Variants in ADARB2 observed in about 807,000 individuals in gnomAD.
ADARB2 encodes inactive double-stranded RNA-specific editase B2.
In ADARB2, 25 loss-of-function variants were observed where a neutral mutation model predicts 62.2. The ratio of observed to expected loss-of-function variants is 0.40; its 90% CI spans 0.29 to 0.56. The LOEUF (loss-of-function observed/expected upper bound fraction) is 0.56, where lower values mean the gene tolerates loss of function less well. Among genes scored for constraint, ADARB2 ranks in the 20% least tolerant of loss-of-function variants. The pLI is 0.43. For missense variants in ADARB2, 1,071 were observed against 1,077.4 expected (o/e 0.99, Z 0.08); for synonymous variants, 572 against 500.8 (o/e 1.14, Z -1.90).
In ADARB2 at chr10:1,260,033, GA is replaced by G. The variant is rs532487080; in HGVS notation, c.1192+10921del. On this transcript the variant is annotated intron_variant, in intron 4 of 9. Transcript: ENST00000381312. ...ATAAATGTAATCCAGCATATAAACA[GA>G]ACCAAAGGCAAAAACCACATGATTA... Among the ~76,000 whole-genome samples, 487 of 152,204 alleles carry G rather than the reference GA, an allele frequency of 3.2e-3. 3 individuals carry two copies. Among genetic ancestry groups the G allele is most frequent in the African/African-American group, 0.011 (466 of 41,514 alleles).
intron 4 of ADARB2, among the ~76,000 whole-genome samples, chr10:1,267,158 C>G: frequency 6.6e-6 from 1 of 150,926 alleles, no homozygotes. Context: ...AAAAACCTTT[C>G]CCCCTCCCGG....
intron 1 of ADARB2, among the ~76,000 whole-genome samples, chr10:1,571,816 G>T (rs1832939921): frequency 6.7e-6 from 1 of 150,306 alleles, no homozygotes; most frequent in South Asian, 2.1e-4. Context: ...TGAGTGGACA[G>T]GTGAGTATGC....
chr10:1,367,793 T>G (rs994907515), intron 2 of ADARB2, among the ~76,000 whole-genome samples: 7 of 152,216 alleles, frequency 4.6e-5, no homozygotes, highest in Admixed American at 1.3e-4. Flanking sequence ...TGCATGACCT[T>G]TGCTGGATCT....
intron 1 of ADARB2, among the ~76,000 whole-genome samples, chr10:1,665,239 C>A (rs79218769): frequency 0.024 from 3,665 of 152,328 alleles, 111 homozygotes; most frequent in African/African-American, 0.072. Flanking sequence ...CTAGATCTTT[C>A]CTTAATATTT....
At chr10:1,603,192 C>A (rs72766704) in intron 1 of ADARB2, among the ~76,000 whole-genome samples, 36,352 of 151,404 alleles carry the variant, frequency 0.24, 4,525 homozygotes, top group Non-Finnish European at 0.27. Flanking sequence ...CACACATTCA[C>A]ACATGTGGCC....
chr10:1,257,225 C>T (rs1432114862), intron 4 of ADARB2, among the ~76,000 whole-genome samples: 4 of 152,190 alleles, frequency 2.6e-5, no homozygotes, highest in East Asian at 1.9e-4. Flanking sequence ...AGCACCCATT[C>T]TTGGGTAATG....
chr10:1,492,664 T>A lies in ADARB2; in HGVS notation c.101-113504A>T, dbSNP rs180912797. ...CTGTCTACAGGTGCAGCATTTCACC[T>A]GGGACTCGACTAAGGAGGGAGGCAG... On this transcript the variant is annotated intron_variant, in intron 1 of 9. Transcript: ENST00000381312. Among the ~76,000 whole-genome samples, 6 of 152,156 alleles carry A rather than the reference T, an allele frequency of 3.9e-5. No individual in the cohort carries two copies. In the East Asian group the frequency reaches 1.2e-3, roughly 29 times the overall value.
chr10:1,199,826 C>A, intron 8 of ADARB2, 140 bp downstream of exon 8: 1 of 886,444 alleles, frequency 1.1e-6, no homozygotes, highest in South Asian at 2.1e-5. Flanking sequence ...TTTTTAAAAT[C>A]GTAGGACTTT....
intron 3 of ADARB2, among the ~76,000 whole-genome samples, chr10:1,354,588 G>A (rs1588229332): frequency 6.6e-6 from 1 of 152,212 alleles, no homozygotes; most frequent in Non-Finnish European, 1.5e-5. Context: ...AGCCTCAGGG[G>A]ATGTGACAAT....
chr10:1,228,743 C>T (rs997786629), intron 6 of ADARB2, among the ~76,000 whole-genome samples: 1 of 152,178 alleles, frequency 6.6e-6, no homozygotes, highest in African/African-American at 2.4e-5. Flanking sequence ...ATGCGATGCA[C>T]CACGAACACT....
intron 1 of ADARB2, among the ~76,000 whole-genome samples, chr10:1,596,633 C>T (rs552453875): frequency 7.2e-5 from 11 of 152,272 alleles, no homozygotes; most frequent in East Asian, 1.9e-4. Context: ...AGGATGGACC[C>T]GCTGGCTGAG....
At chr10:1,648,329 T>TAAGGCACAAAG (rs1445471724) in intron 1 of ADARB2, among the ~76,000 whole-genome samples, 18 of 152,152 alleles carry the variant, frequency 1.2e-4, no homozygotes, top group African/African-American at 3.6e-4. Flanking sequence ...GTCACGTTCT[T>TAAGGCACAAAG]TACCTTGAAG....
chr10:1,658,058 GTC>G (rs755997780), intron 1 of ADARB2, among the ~76,000 whole-genome samples: 2 of 147,952 alleles, frequency 1.4e-5, no homozygotes, highest in Admixed American at 6.8e-5. Context: ...TGTCTCTACT[GTC>G]TCTCTCTGTG....
intron 1 of ADARB2, among the ~76,000 whole-genome samples, chr10:1,497,417 T>C (rs1831707253): frequency 6.6e-6 from 1 of 152,196 alleles, no homozygotes; most frequent in Non-Finnish European, 1.5e-5. Context: ...TCTAAATAAG[T>C]TTGTGGAAAT....
At chr10:1,553,095 T>G (rs1218130083) in intron 1 of ADARB2, among the ~76,000 whole-genome samples, 1 of 147,000 alleles carries the variant, frequency 6.8e-6, no homozygotes, top group Non-Finnish European at 1.5e-5. Context: ...GAGCACCGCG[T>G]CCTCGCAGCC....
chr10:1,519,887 T>C (rs1177922005), intron 1 of ADARB2, among the ~76,000 whole-genome samples: 1 of 152,140 alleles, frequency 6.6e-6, no homozygotes, highest in African/African-American at 2.4e-5. Context: ...ACAGTAACCA[T>C]AGAGTATTCA....
At chr10:1,574,396 G>A (rs1034848281) in intron 1 of ADARB2, among the ~76,000 whole-genome samples, 1 of 152,220 alleles carries the variant, frequency 6.6e-6, no homozygotes, top group Non-Finnish European at 1.5e-5. Flanking sequence ...AGAGAATTGG[G>A]CAGACGACGG....
At chr10:1,189,033 T>C (rs1836802570) in intron 8 of ADARB2, among the ~76,000 whole-genome samples, 1 of 150,758 alleles carries the variant, frequency 6.6e-6, no homozygotes. Context: ...GGAAGGGCCA[T>C]GGCCTCGTGC....
At chr10:1,491,164 G>A (rs766933356) in intron 1 of ADARB2, among the ~76,000 whole-genome samples, 2 of 152,134 alleles carry the variant, frequency 1.3e-5, no homozygotes, top group African/African-American at 2.4e-5. Context: ...CCTCAACCAG[G>A]CTTAAGCAAT....
Sources: gnomAD v4.1 joint callset for allele counts (sites outside exome capture counted in the v4.1 genomes callset) on GRCh38, gnomAD v4.1.1 for gene constraint, MANE v1.5 for transcripts, NCBI Gene and HGNC (gene_info 2026-07-23, HGNC 2026-07-21) for gene names.